The following RASGRP1 variants were observed in gnomAD, a reference collection of about 807,000 sequenced individuals.
The protein encoded by RASGRP1 is RAS guanyl releasing protein 1, also known as RAS guanyl-releasing protein 1.
In RASGRP1, 37 loss-of-function variants were observed where a neutral mutation model predicts 95.1. The ratio of observed to expected loss-of-function variants is 0.39; its 90% CI spans 0.30 to 0.51. The LOEUF is 0.51. RASGRP1 is among the 20% of genes least tolerant of loss of function. The pLI is 0.80. For synonymous variants in RASGRP1, 325 were observed against 353.4 expected (o/e 0.92, Z 0.90); for missense variants, 711 against 965.4 (o/e 0.74, Z 3.49).
intron 2 of RASGRP1, among the ~76,000 whole-genome samples, chr15:38,529,188 A>G (rs1195703716): frequency 1.3e-5 from 2 of 152,160 alleles, no homozygotes; most frequent in African/African-American, 4.8e-5. Context: ...TCCACCTACA[A>G]TCTATTCCCT....
In RASGRP1 at chr15:38,526,387, A is replaced by C; in HGVS notation, c.238T>G (p.Cys80Gly). 1 of 1,613,112 alleles carries C rather than the reference A, an allele frequency of 6.2e-7. No individual in the cohort carries two copies. The highest frequency in any genetic ancestry group is 1.3e-5 in the African/African-American group (1 of 74,990). ...IQSFDADGNL[C>G]RSNQLLQVML... ...ACTTGCAACAGTTGGTTACTTCGAC[A>C]CAGGTTTCCATCTGCATCTGAAAAT... The change falls in exon 3 of 17, where the codon TGT (cysteine) becomes GGT (glycine). Residue 80 changes from cysteine to glycine, a missense_variant. Physicochemically the swap from Cys to Gly is radical, Grantham distance 159 (BLOSUM62 -3). This residue lies in a region of RASGRP1 where 491 missense variants were observed against 676.6 expected (regional missense o/e 0.73). Transcript: ENST00000310803.
At chr15:38,515,352 CTG>C (rs760080851) in intron 6 of RASGRP1, among the ~76,000 whole-genome samples, 2 of 152,290 alleles carry the variant, frequency 1.3e-5, no homozygotes, top group Admixed American at 6.5e-5. Flanking sequence ...GAGGTGAAGA[CTG>C]TATCTGTTGG....
chr15:38,536,006 C>T (rs1205789929), intron 2 of RASGRP1, among the ~76,000 whole-genome samples: 9 of 152,268 alleles, frequency 5.9e-5, no homozygotes, highest in Middle Eastern at 3.4e-3. Flanking sequence ...CTGCAAGTCC[C>T]GAGCAGACCC....
chr15:38,527,504 T>C (rs78296888), intron 2 of RASGRP1, among the ~76,000 whole-genome samples: 3,560 of 152,298 alleles, frequency 0.023, 65 homozygotes, highest in Non-Finnish European at 0.035. Context: ...AGTTTCTGGA[T>C]ACATCTCTTA....
At chr15:38,518,194 A>G in intron 5 of RASGRP1, 98 bp downstream of exon 5, 1 of 1,159,926 alleles carries the variant, frequency 8.6e-7, no homozygotes, top group Non-Finnish European at 1.3e-6. Context: ...GAAAGAGAGC[A>G]GCAGTCACCG....
intron 15 of RASGRP1, among the ~76,000 whole-genome samples, chr15:38,495,337 CT>C (rs1159823747): frequency 1.8e-4 from 28 of 152,174 alleles, no homozygotes; most frequent in Non-Finnish European, 2.9e-5. Flanking sequence ...CTCTGGTTTT[CT>C]TTAACTAAGA....
At chr15:38,539,497 TTTATCA>T (rs1892781501) in intron 2 of RASGRP1, among the ~76,000 whole-genome samples, 1 of 152,044 alleles carries the variant, frequency 6.6e-6, no homozygotes, top group African/African-American at 2.4e-5. Flanking sequence ...CCCTGGTTAT[TTTATCA>T]TTATGTTTTA....
intron 3 of RASGRP1, among the ~76,000 whole-genome samples, chr15:38,522,184 C>G (rs764485918): frequency 3.9e-5 from 6 of 152,106 alleles, no homozygotes; most frequent in Admixed American, 3.9e-4. Context: ...GCGGGGGAGA[C>G]GACACACAAA....
In RASGRP1 at chr15:38,503,271, C is replaced by T. The variant is rs754690619; in HGVS notation, c.1428+1G>A. The T allele has an allele frequency of 1.2e-6, 2 of 1,602,374 alleles. No individual in the cohort carries two copies. The highest frequency in any genetic ancestry group is 2.2e-5 in the East Asian group (1 of 44,736). On this transcript the variant is annotated splice_donor_variant, in intron 11 of 16. Coordinates refer to ENST00000310803, the MANE Select transcript of RASGRP1 (RefSeq NM_005739.4). LOFTEE classifies it high-confidence loss of function. The stretch of plus-strand genomic sequence containing the variant: ...TGTGTGCTGAACACAGCTGTACTTA[C>T]ATCCACCATCCTCTGGACGTGTTTG...
chr15:38,511,123 A>T (rs1891496955), intron 8 of RASGRP1, among the ~76,000 whole-genome samples: 1 of 152,216 alleles, frequency 6.6e-6, no homozygotes, highest in Non-Finnish European at 1.5e-5. Context: ...CTCATATCCA[A>T]TTATCTGGTA....
intron 15 of RASGRP1, among the ~76,000 whole-genome samples, chr15:38,495,097 A>C (rs184683471): frequency 6.6e-6 from 1 of 152,184 alleles, no homozygotes; most frequent in Admixed American, 6.5e-5. Context: ...AACAAGAACA[A>C]TATCTAGACA....
chr15:38,545,172 T>G (rs1893061322), intron 2 of RASGRP1, among the ~76,000 whole-genome samples: 1 of 152,208 alleles, frequency 6.6e-6, no homozygotes, highest in Non-Finnish European at 1.5e-5. Flanking sequence ...AACCCACTTA[T>G]TTGTCTTCTT....
At chr15:38,557,601 ATGTGTG>A (rs5812045) in intron 2 of RASGRP1, among the ~76,000 whole-genome samples, 40 of 145,384 alleles carry the variant, frequency 2.8e-4, no homozygotes, top group South Asian at 2.6e-3. Context: ...TTGTATATAT[ATGTGTG>A]TGTGTGTGTG....
intron 13 of RASGRP1, 36 bp from the exon 14 acceptor site, chr15:38,500,175 T>A (rs765806654): frequency 6.2e-7 from 1 of 1,607,890 alleles, no homozygotes; most frequent in South Asian, 1.1e-5. Flanking sequence ...CACATGTCAT[T>A]CATCCATCTG....
At position 38,564,614 on chromosome 15, in the gene RASGRP1, GC is replaced by G; in HGVS notation, c.14del (p.Gly5AlafsTer22). On this transcript the variant is annotated frameshift_variant, in exon 1 of 17. Transcript: ENST00000310803. LOFTEE classifies it high-confidence loss of function. ...CTCACCGCGGAGCCTCTCTCGCCTT[GC>G]CCAGGGTGCCCATGGCCGCGGCCCG... MGTLGKAREAPRKPS... is the reference protein window; with the variant it reads MGTLXKAREAPRKPS... 1 of 1,371,360 alleles carries G rather than the reference GC, an allele frequency of 7.3e-7. No homozygotes were observed. The highest frequency in any genetic ancestry group is 9.5e-7 in the Non-Finnish European group (1 of 1,051,096). The allele number at this position is 1,371,360 out of a possible 1,614,324, so 84.9% of individuals were successfully genotyped here.
Position 38,494,468 on chromosome 15 carries a change from CA to C in RASGRP1, c.2172del (p.Phe724LeufsTer11). 1.2e-6 allele frequency: 2 copies of C among 1,611,302 alleles called. No homozygotes were observed. The highest frequency in any genetic ancestry group is 1.7e-6 in the Non-Finnish European group (2 of 1,178,740). ...AGGGAGTCTTTATTCTCCCACTTGA[CA>C]AAAGCCCGCTTTCTGACCAAGACTG... is the stretch of plus-strand genomic sequence containing the variant. The part of the protein sequence containing the change: ...PSPVLVRKRA[F>X]VKWENKDSLI... On this transcript the variant is annotated frameshift_variant, in exon 16 of 17. Transcript: ENST00000310803. LOFTEE classifies it high-confidence loss of function.
intron 2 of RASGRP1, among the ~76,000 whole-genome samples, chr15:38,535,461 C>T (rs1172248490): frequency 6.6e-6 from 1 of 152,138 alleles, no homozygotes; most frequent in Non-Finnish European, 1.5e-5. Flanking sequence ...TCCTTAAACC[C>T]ACCACTTTTC....
At chr15:38,502,616 G>A (rs890565342) in intron 11 of RASGRP1, among the ~76,000 whole-genome samples, 195 bp from the exon 12 acceptor site, 19 of 152,306 alleles carry the variant, frequency 1.2e-4, no homozygotes, top group African/African-American at 3.6e-4. Context: ...GTAGCAGCAT[G>A]TGGGGGGTGG....
rs1016157314 is a variant in RASGRP1 at position 38,488,666 on chromosome 15, G to A, written c.*1888C>T. On this transcript the variant is annotated 3_prime_UTR_variant, in exon 17 of 17. Transcript: ENST00000310803. Reference sequence around the variant, plus strand: ...TAACTGGGGATCTTTACTTCGAATGGAGAGGAGGAAGAATGAAAAAAATTG... The same window carrying A: ...TAACTGGGGATCTTTACTTCGAATGAAGAGGAGGAAGAATGAAAAAAATTG... The A allele has an allele frequency of 6.6e-6, 1 of 151,858 alleles. No homozygotes were observed. Among genetic ancestry groups the A allele is most frequent in the African/African-American group, 2.4e-5 (1 of 41,394 alleles). The allele number at this position is 151,858 out of a possible 1,614,324, so 9.4% of individuals were successfully genotyped here.
Sources: gnomAD v4.1 joint callset for allele counts (sites outside exome capture counted in the v4.1 genomes callset) on GRCh38, gnomAD v4.1.1 for gene constraint, gnomAD v4.1.1 regional missense constraint, MANE v1.5 for transcripts, NCBI Gene and HGNC (gene_info 2026-07-23, HGNC 2026-07-21) for gene names.